ZNF341: variants seen among roughly 807,000 people sequenced by gnomAD.
ZNF341 encodes zinc finger protein 341.
In ZNF341, 52 loss-of-function variants were observed where a neutral mutation model predicts 87.7. That is an observed-to-expected ratio of 0.59 (90% CI 0.47 to 0.75). ZNF341 has a LOEUF of 0.75. ZNF341 is among the 30% of genes least tolerant of loss of function. The probability of loss-of-function intolerance (pLI) is 0.00; values close to 1 mark genes in which losing one functional copy is unlikely to be tolerated. For synonymous variants in ZNF341, 459 were observed against 472.7 expected, an observed-to-expected ratio of 0.97 and a Z score of 0.38; for missense variants, 977 against 1,145.9, an observed-to-expected ratio of 0.85 and a Z score of 2.13.
Position 33,764,525 on chromosome 20 carries a change from A to G in ZNF341, c.1223-2326A>G, listed in dbSNP as rs1388840197. On this transcript the variant is annotated intron_variant, in intron 8 of 14. Transcript: ENST00000375200. ...TGTGTGTATATATATATGTATATAT[A>G]TGTGTGTGTGTGTATGTGTATATAT... is the stretch of plus-strand genomic sequence containing the variant. Among the ~76,000 whole-genome samples, 81 of 118,952 alleles carry G rather than the reference A, an allele frequency of 6.8e-4. 1 individual carries two copies. Among genetic ancestry groups the G allele is most frequent in the African/African-American group, 2.2e-3 (70 of 31,634 alleles). 78.0% of individuals were successfully genotyped at this position (118,952 alleles called of 152,430 possible).
At chr20:33,747,476 G>A (rs1001869870) in intron 3 of ZNF341, among the ~76,000 whole-genome samples, 6 of 144,118 alleles carry the variant, frequency 4.2e-5, no homozygotes, top group South Asian at 2.1e-4. Flanking sequence ...TTAGCCGGGC[G>A]TAGTGGCGGG....
chr20:33,753,900 G>C lies in ZNF341; in HGVS notation c.741+477G>C, dbSNP rs904972298. On this transcript the variant is annotated intron_variant, in intron 5 of 14. Coordinates refer to ENST00000375200, the MANE Select transcript of ZNF341 (RefSeq NM_001282933.2). ...TTACAGTGGTCAGCTAGACAACTGC[G>C]GATCTTGGCTGGGCTCACTCATATG... 1.2e-4 allele frequency among the ~76,000 whole-genome samples: 18 copies of C among 152,246 alleles called. No individual in the cohort carries two copies. In the East Asian group the frequency reaches 3.1e-3, roughly 26 times the overall value.
chr20:33,760,735 G>T (rs1312354642), intron 7 of ZNF341, among the ~76,000 whole-genome samples: 1 of 151,762 alleles, frequency 6.6e-6, no homozygotes, highest in Non-Finnish European at 1.5e-5. Flanking sequence ...GTAGAAACAG[G>T]GTTTCATCAT....
chr20:33,764,543 G>GTATA lies in ZNF341; in HGVS notation c.1223-2292_1223-2289dup, dbSNP rs1171402724. On this transcript the variant is annotated intron_variant, in intron 8 of 14. Coordinates refer to ENST00000375200, the MANE Select transcript of ZNF341 (RefSeq NM_001282933.2). ...TATATATATGTGTGTGTGTGTATGT[G>GTATA]TATATATATATATATATATTTTTTT... is the stretch of plus-strand genomic sequence containing the variant. Among the ~76,000 whole-genome samples the GTATA allele has an allele frequency of 1.6e-3, 110 of 69,308 alleles. 1 individual carries two copies. Among genetic ancestry groups the GTATA allele is most frequent in the African/African-American group, 5.5e-3 (80 of 14,646 alleles). 45.5% of individuals were successfully genotyped at this position (69,308 alleles called of 152,430 possible).
chr20:33,775,212 G>GT (rs761179803), intron 10 of ZNF341, among the ~76,000 whole-genome samples: 1,395 of 137,688 alleles, frequency 0.01, 15 homozygotes, highest in African/African-American at 0.024. Flanking sequence ...AAAGGGTTTT[G>GT]TTTTTTTTTT....
At chr20:33,769,964 G>C in intron 9 of ZNF341, 120 bp from the exon 10 acceptor site, 1 of 658,586 alleles carries the variant, frequency 1.5e-6, no homozygotes, top group Non-Finnish European at 2.7e-6. Flanking sequence ...CAGCAGGGGG[G>C]CAGAGGGAGC....
Position 33,769,985 on chromosome 20 carries a change from T to C in ZNF341, c.1414-99T>C, listed in dbSNP as rs1315488773. ...GGGGGCAGAGGGAGCAGTGGTCAGATCATTTACCATCAGTGTCCAAGGCCA... is the reference window on the plus strand; with the variant it reads ...GGGGGCAGAGGGAGCAGTGGTCAGACCATTTACCATCAGTGTCCAAGGCCA... On this transcript the variant is annotated intron_variant, in intron 9 of 14. Coordinates refer to ENST00000375200, the MANE Select transcript of ZNF341 (RefSeq NM_001282933.2). 4 of 751,368 alleles carry C rather than the reference T, an allele frequency of 5.3e-6. No homozygotes were observed. The South Asian group carries it at 6.5e-5, about 12-fold the overall frequency. The allele number at this position is 751,368 out of a possible 1,614,324, so 46.5% of individuals were successfully genotyped here.
chr20:33,755,480 TG>T (rs1331657751), intron 5 of ZNF341, among the ~76,000 whole-genome samples: 1 of 152,074 alleles, frequency 6.6e-6, no homozygotes, highest in Non-Finnish European at 1.5e-5. Context: ...TAATTTTTTT[TG>T]TACCTTTTTT....
intron 14 of ZNF341, among the ~76,000 whole-genome samples, 164 bp from the exon 15 acceptor site, chr20:33,790,824 G>A (rs970047405): frequency 1.8e-4 from 27 of 152,222 alleles, no homozygotes; most frequent in African/African-American, 6.5e-4. Context: ...AGTGTGGCTG[G>A]CGCAGAGAGT....
chr20:33,772,069 C>T (rs961532806), intron 10 of ZNF341, among the ~76,000 whole-genome samples: 2 of 139,994 alleles, frequency 1.4e-5, no homozygotes, highest in Non-Finnish European at 3.0e-5. Context: ...ACCTATTGAC[C>T]TCTGATCATC....
rs758556957 is a variant in ZNF341, at chr20:33,761,903, G to A, written c.1070G>A (p.Arg357His). The change falls in exon 8 of 15, where the codon CGT (arginine) becomes CAT (histidine). Residue 357 changes from arginine to histidine, a missense_variant. By Grantham distance (29) the Arg-to-His change is conservative. This residue lies in a region of ZNF341 where 515 missense variants were observed against 598.2 expected (regional missense o/e 0.86). Coordinates refer to ENST00000375200, the MANE Select transcript of ZNF341 (RefSeq NM_001282933.2). ...CCCTTCCAGTGCATTGCATGTGGCC[G>A]TGCCTTTGCCCAGAAGTCTAATGTT... is the stretch of plus-strand genomic sequence containing the variant. ...EKPFQCIACG[R>H]AFAQKSNVKK... 3 of 1,591,206 alleles carry A rather than the reference G, an allele frequency of 1.9e-6. No individual in the cohort carries two copies. The highest frequency in any genetic ancestry group is 1.1e-5 in the South Asian group (1 of 89,038).
At chr20:33,758,013 G>A (rs2019216086) in intron 6 of ZNF341, among the ~76,000 whole-genome samples, 1 of 152,122 alleles carries the variant, frequency 6.6e-6, no homozygotes, top group African/African-American at 2.4e-5. Flanking sequence ...TGGCTTTCCA[G>A]TCAACTACTC....
intron 8 of ZNF341, among the ~76,000 whole-genome samples, chr20:33,762,418 C>T (rs186159413): frequency 7.9e-5 from 12 of 151,524 alleles, no homozygotes; most frequent in Admixed American, 4.6e-4. Flanking sequence ...GAAAGCAAAA[C>T]TGCAAGTAAG....
chr20:33,770,003 C>G (rs2019491989), intron 9 of ZNF341, 81 bp from the exon 10 acceptor site: 1 of 929,356 alleles, frequency 1.1e-6, no homozygotes, highest in Admixed American at 2.0e-5. Context: ...CATCAGTGTC[C>G]AAGGCCAATG....
rs146349121 is a variant in ZNF341 at position 33,791,063 on chromosome 20, C to T, written c.2111C>T (p.Ala704Val). Residue 704 changes from alanine (A) to valine (V), a missense_variant, in exon 15 of 15, where the codon GCC (alanine) becomes GTC (valine). Physicochemically the swap from Ala to Val is moderately conservative, Grantham distance 64. Coordinates refer to ENST00000375200, the MANE Select transcript of ZNF341 (RefSeq NM_001282933.2). ...RRAHLAEHQR[A>V]HTGNYKFRCA... ...GCCCACCTCGCCGAGCATCAGCGCG[C>T]CCACACGGGCAACTACAAGTTCCGC... is the stretch of plus-strand genomic sequence containing the variant. 132 of 1,613,354 alleles carry T rather than the reference C, an allele frequency of 8.2e-5. No homozygotes were observed. The highest frequency in any genetic ancestry group is 4.9e-4 in the Middle Eastern group (3 of 6,084).
chr20:33,772,010 TAAAA>T (rs57345366), intron 10 of ZNF341, among the ~76,000 whole-genome samples: 54 of 56,164 alleles, frequency 9.6e-4, no homozygotes, highest in African/African-American at 3.6e-3. Flanking sequence ...ACGCTTGTCT[TAAAA>T]AAAAAAAAAA....
intron 2 of ZNF341, among the ~76,000 whole-genome samples, chr20:33,744,694 C>A (rs1212136651): frequency 6.6e-6 from 1 of 152,076 alleles, no homozygotes; most frequent in Non-Finnish European, 1.5e-5. Context: ...TGGGTTCAAG[C>A]AATTCTCCTG....
rs770731128 is a variant in ZNF341 at position 33,781,431 on chromosome 20, G to A, written c.1719+44G>A. The A allele has an allele frequency of 2.5e-6, 4 of 1,569,274 alleles. No individual in the cohort carries two copies. In the African/African-American group the frequency reaches 4.1e-5, roughly 16 times the overall value. On this transcript the variant is annotated intron_variant, in intron 11 of 14. Transcript: ENST00000375200. Reference sequence around the variant, plus strand: ...TTTTCTGGGGCCTAGGCTATAATAAGGGCAAGGAGGTGGGGTGGGGTGCAC... The same window carrying A: ...TTTTCTGGGGCCTAGGCTATAATAAAGGCAAGGAGGTGGGGTGGGGTGCAC...
At chr20:33,788,716 A>G (rs1184124300) in intron 12 of ZNF341, 147 bp from the exon 13 acceptor site, 2 of 714,658 alleles carry the variant, frequency 2.8e-6, no homozygotes, top group Non-Finnish European at 5.1e-6. Context: ...CTGGCAAAAC[A>G]AAGCCACTGA....
Sources: gnomAD v4.1 joint callset for allele counts (sites outside exome capture counted in the v4.1 genomes callset) on GRCh38, gnomAD v4.1.1 for gene constraint, gnomAD v4.1.1 regional missense constraint, MANE v1.5 for transcripts, NCBI Gene and HGNC (gene_info 2026-07-23, HGNC 2026-07-21) for gene names.